SLIT3: variants seen among roughly 807,000 people sequenced by gnomAD.
The protein encoded by SLIT3 is slit guidance ligand 3.
Under a neutral mutation model 184.0 loss-of-function variants are expected in SLIT3, and 68 were observed. That is an observed-to-expected ratio of 0.37 (90% CI 0.30 to 0.45). SLIT3 has a LOEUF of 0.45. SLIT3 is among the 20% of genes least tolerant of loss of function. The pLI is 1.00. For missense variants in SLIT3, 1,707 were observed against 2,026.0 expected (o/e 0.84, Z 3.02); for synonymous variants, 831 against 828.6 (o/e 1.00, Z -0.05).
rs76094009 is a variant in SLIT3, at chr5:169,273,048, T to C, written c.198-21589A>G. On this transcript the variant is annotated intron_variant, in intron 1 of 35. Transcript: ENST00000519560. ...AGAATAAACTCAGCACCGACACACA[T>C]GGTGCCAAATGCTAAGGCCCACACC... Among the ~76,000 whole-genome samples the C allele has an allele frequency of 3.7e-3, 556 of 151,806 alleles. 2 individuals carry two copies. The highest frequency in any genetic ancestry group is 0.013 in the African/African-American group (520 of 41,424).
At chr5:169,115,461 T>A (rs1760625653) in intron 4 of SLIT3, among the ~76,000 whole-genome samples, 1 of 152,138 alleles carries the variant, frequency 6.6e-6, no homozygotes. Context: ...TTAATTCTTA[T>A]GATAACCCTG....
chr5:168,918,498 G>A (rs375579908), intron 4 of SLIT3, among the ~76,000 whole-genome samples: 86 of 152,344 alleles, frequency 5.6e-4, no homozygotes, highest in African/African-American at 2.0e-3. Flanking sequence ...CTGCACTAAG[G>A]TGAGGGTTTG....
At chr5:169,106,885 A>T (rs1343394771) in intron 4 of SLIT3, among the ~76,000 whole-genome samples, 1 of 152,248 alleles carries the variant, frequency 6.6e-6, no homozygotes, top group African/African-American at 2.4e-5. Context: ...CTGGGGAGAC[A>T]GTAGTACCCT....
chr5:168,770,278 C>G (rs886382539), intron 14 of SLIT3, among the ~76,000 whole-genome samples: 1 of 152,230 alleles, frequency 6.6e-6, no homozygotes, highest in African/African-American at 2.4e-5. Flanking sequence ...GACGCCCTGC[C>G]TAAGGAGGGG....
At chr5:169,120,357 TGG>T (rs1760834197) in intron 4 of SLIT3, 1 of 152,174 alleles carries the variant, frequency 6.6e-6, no homozygotes, top group Non-Finnish European at 1.5e-5. Context: ...AGTTCCACAC[TGG>T]GCCTGGGAGG....
chr5:168,665,751 T>TC lies in SLIT3; in HGVS notation c.*702dup. 6.7e-6 allele frequency: 1 copy of TC among 150,270 alleles called. No homozygotes were observed. The highest frequency in any genetic ancestry group is 2.2e-4 in the South Asian group (1 of 4,630). 9.3% of individuals were successfully genotyped at this position (150,270 alleles called of 1,614,324 possible). ...GGCCACCCAGGAAGGAGAAGAGGGGTCCCCCAGTGGGTTCAGATACCCTGA... is the reference window on the plus strand; with the variant it reads ...GGCCACCCAGGAAGGAGAAGAGGGGTCCCCCCAGTGGGTTCAGATACCCTGA... On this transcript the variant is annotated 3_prime_UTR_variant, in exon 36 of 36. Coordinates refer to ENST00000519560, the MANE Select transcript of SLIT3 (RefSeq NM_003062.4).
At chr5:168,804,200 T>G (rs1054632033) in intron 9 of SLIT3, among the ~76,000 whole-genome samples, 1 of 149,164 alleles carries the variant, frequency 6.7e-6, no homozygotes, top group African/African-American at 2.5e-5. Flanking sequence ...TCCCAGCTAC[T>G]TTGGGAGGCT....
At chr5:169,005,200 A>G (rs147116961) in intron 4 of SLIT3, among the ~76,000 whole-genome samples, 3 of 152,234 alleles carry the variant, frequency 2.0e-5, no homozygotes, top group African/African-American at 4.8e-5. Flanking sequence ...ATGAACTGGG[A>G]AACTAAAAAA....
chr5:169,064,371 G>A (rs1758278255), intron 4 of SLIT3, among the ~76,000 whole-genome samples: 1 of 152,206 alleles, frequency 6.6e-6, no homozygotes, highest in South Asian at 2.1e-4. Context: ...AGCAATGGCG[G>A]TCACATTGGT....
At chr5:168,779,196 T>C (rs1755878020) in intron 12 of SLIT3, among the ~76,000 whole-genome samples, 4 of 152,250 alleles carry the variant, frequency 2.6e-5, no homozygotes, top group African/African-American at 9.6e-5. Context: ...AGAGGTAGGA[T>C]AGTATTTGGA....
chr5:168,782,584 T>A (rs1164498771), intron 12 of SLIT3, among the ~76,000 whole-genome samples: 1 of 152,198 alleles, frequency 6.6e-6, no homozygotes, highest in Middle Eastern at 3.2e-3. Context: ...CCATTCACCC[T>A]GAGCTTCCAG....
At chr5:168,683,845 G>A (rs563321432) in intron 32 of SLIT3, 121 bp downstream of exon 32, 145 of 896,776 alleles carry the variant, frequency 1.6e-4, no homozygotes, top group Non-Finnish European at 1.7e-4. Context: ...GCACATGTGC[G>A]TGGTAGGGGC....
intron 1 of SLIT3, among the ~76,000 whole-genome samples, chr5:169,280,645 G>A (rs1011733580): frequency 6.6e-6 from 1 of 152,128 alleles, no homozygotes; most frequent in Non-Finnish European, 1.5e-5. Flanking sequence ...CTGAGATTTG[G>A]TTCTTCAAGG....
intron 4 of SLIT3, among the ~76,000 whole-genome samples, chr5:168,952,528 C>CAAAAAAA (rs372134778): frequency 2.6e-5 from 2 of 77,922 alleles, no homozygotes; most frequent in African/African-American, 5.9e-5. Context: ...GGGAAAATGC[C>CAAAAAAA]AAAAAAAAAA....
chr5:168,976,167 T>A (rs187732767), intron 4 of SLIT3, among the ~76,000 whole-genome samples: 24 of 152,262 alleles, frequency 1.6e-4, no homozygotes, highest in African/African-American at 5.5e-4. Context: ...CATTACCTAC[T>A]TTTATAGGGA....
At chr5:168,790,545 G>A (rs1018340801) in intron 10 of SLIT3, 2 of 152,168 alleles carry the variant, frequency 1.3e-5, no homozygotes, top group Non-Finnish European at 2.9e-5. Flanking sequence ...TTCTCTTAGA[G>A]TCATTAGCTC....
chr5:169,230,152 T>C (rs949555407), intron 3 of SLIT3, among the ~76,000 whole-genome samples: 11 of 152,224 alleles, frequency 7.2e-5, no homozygotes, highest in African/African-American at 2.7e-4. Flanking sequence ...TTATCCTCCA[T>C]GCTAACTCTA....
At chr5:168,851,034 A>G (rs1252403581) in intron 5 of SLIT3, among the ~76,000 whole-genome samples, 1 of 152,210 alleles carries the variant, frequency 6.6e-6, no homozygotes, top group East Asian at 1.9e-4. Flanking sequence ...CTTTATCATT[A>G]AAGATAGGGC....
Position 168,708,016 on chromosome 5 carries a change from G to A in SLIT3, c.2804C>T (p.Pro935Leu). 2 of 1,614,198 alleles carry A rather than the reference G, an allele frequency of 1.2e-6. No homozygotes were observed. The highest frequency in any genetic ancestry group is 1.7e-6 in the Non-Finnish European group (2 of 1,180,030). ...GCAGGCACAGCGGTACAGCTCCACA[G>A]GGTCCTGGGTGCATGTCCCGTTATT... ...CKNNGTCTQD[P>L]VELYRCACPY... Residue 935 changes from proline (P) to leucine (L), a missense_variant, in exon 26 of 36, where the codon CCT becomes CTT. Pro to Leu is a moderately conservative substitution (Grantham distance 98, BLOSUM62 -3). Around this residue, in one of 3 missense-constraint regions of SLIT3, gnomAD observed 1,307 missense variants for 1,511.6 expected, o/e 0.86. Coordinates refer to ENST00000519560, the MANE Select transcript of SLIT3 (RefSeq NM_003062.4).
Sources: gnomAD v4.1 joint callset for allele counts (sites outside exome capture counted in the v4.1 genomes callset) on GRCh38, gnomAD v4.1.1 for gene constraint, gnomAD v4.1.1 regional missense constraint, MANE v1.5 for transcripts, NCBI Gene and HGNC (gene_info 2026-07-23, HGNC 2026-07-21) for gene names.